Variants in LTBP2 observed in about 807,000 individuals in gnomAD.
The protein encoded by LTBP2 is latent-transforming growth factor beta-binding protein 2.
LTBP2 carries 103 observed loss-of-function variants against 210.6 expected under a neutral mutation model. The observed-to-expected ratio is 0.49, with a 90% CI of 0.42 to 0.58. The LOEUF (loss-of-function observed/expected upper bound fraction) is 0.58, where lower values mean the gene tolerates loss of function less well. Ranked by LOEUF, LTBP2 falls within the 20% of genes least tolerant of loss-of-function variation. The pLI is 0.00. For synonymous variants in LTBP2, 1,007 were observed against 1,015.0 expected (o/e 0.99, Z 0.15); for missense variants, 2,313 against 2,494.5 (o/e 0.93, Z 1.55).
At chr14:74,572,673 A>C (rs1262969937) in intron 3 of LTBP2, among the ~76,000 whole-genome samples, 1 of 152,176 alleles carries the variant, frequency 6.6e-6, no homozygotes, top group East Asian at 1.9e-4. Flanking sequence ...AGGAGAATTC[A>C]CGGAGCCTGA....
At chr14:74,574,101 C>A (rs1032130377) in intron 3 of LTBP2, among the ~76,000 whole-genome samples, 1 of 152,208 alleles carries the variant, frequency 6.6e-6, no homozygotes, top group African/African-American at 2.4e-5. Flanking sequence ...ACCACACATA[C>A]AATCGAAAAC....
At chr14:74,552,630 A>G (rs569116680) in intron 5 of LTBP2, among the ~76,000 whole-genome samples, 6 of 152,258 alleles carry the variant, frequency 3.9e-5, no homozygotes, top group Admixed American at 1.3e-4. Context: ...TGCACCCCAC[A>G]ATAACCTGGG....
At chr14:74,555,832 C>G (rs1294820331) in intron 3 of LTBP2, 139 bp from the exon 4 acceptor site, 1 of 562,296 alleles carries the variant, frequency 1.8e-6, no homozygotes, top group African/African-American at 1.9e-5. Context: ...ATGGCTGACT[C>G]CCAGACATGA....
chr14:74,606,425 T>C (rs1384558554), intron 1 of LTBP2, among the ~76,000 whole-genome samples: 1 of 152,252 alleles, frequency 6.6e-6, no homozygotes, highest in Non-Finnish European at 1.5e-5. Flanking sequence ...CCAGTTACCC[T>C]ATGGATTTCA....
intron 28 of LTBP2, 150 bp downstream of exon 28, chr14:74,505,898 T>G: frequency 1.8e-6 from 2 of 1,092,056 alleles, no homozygotes; most frequent in African/African-American, 3.1e-5. Context: ...CACCCCTCCA[T>G]GCACCAGGCC....
chr14:74,580,458 A>G (rs923672576), intron 3 of LTBP2, among the ~76,000 whole-genome samples: 1 of 152,150 alleles, frequency 6.6e-6, no homozygotes, highest in Non-Finnish European at 1.5e-5. Flanking sequence ...CCACGTGATG[A>G]CTGAGGCGGG....
intron 21 of LTBP2, 83 bp from the exon 22 acceptor site, chr14:74,509,446 C>T (rs1312440535): frequency 6.3e-7 from 1 of 1,591,720 alleles, no homozygotes; most frequent in Non-Finnish European, 8.6e-7. Context: ...TGGCTTCCCT[C>T]TCTGAGCCCC....
Position 74,510,330 on chromosome 14 carries a change from A to C in LTBP2, c.3029-117T>G, listed in dbSNP as rs190446922. ...GGGAACCAGCCTTCAGAGGGGCCGC[A>C]GGCCACCTGGGGAGGCCATGAGGCC... On this transcript the variant is annotated intron_variant, in intron 19 of 35. Coordinates refer to ENST00000261978, the MANE Select transcript of LTBP2 (RefSeq NM_000428.3). 216 of 1,481,176 alleles carry C rather than the reference A, an allele frequency of 1.5e-4. No homozygotes were observed. The African/African-American group carries it at 2.6e-3, about 18-fold the overall frequency. The allele number at this position is 1,481,176 out of a possible 1,614,324, so 91.8% of individuals were successfully genotyped here.
chr14:74,534,346 C>T (rs17100917), intron 9 of LTBP2, among the ~76,000 whole-genome samples: 3 of 152,166 alleles, frequency 2.0e-5, no homozygotes, highest in East Asian at 1.9e-4. Context: ...TGGCATCTCC[C>T]GTGTGTACAC....
chr14:74,562,935 T>C (rs1236051230), intron 3 of LTBP2, among the ~76,000 whole-genome samples: 1 of 152,198 alleles, frequency 6.6e-6, no homozygotes, highest in Non-Finnish European at 1.5e-5. Context: ...ATAAACCTTC[T>C]GTGGTAGGTG....
intron 8 of LTBP2, among the ~76,000 whole-genome samples, chr14:74,547,121 C>T (rs1430739726): frequency 1.3e-5 from 2 of 152,222 alleles, no homozygotes; most frequent in African/African-American, 4.8e-5. Flanking sequence ...TCCCACTGTC[C>T]CCTCCAATCC....
chr14:74,505,208 A>G (rs748674655), intron 28 of LTBP2, 34 bp from the exon 29 acceptor site: 4 of 1,606,658 alleles, frequency 2.5e-6, no homozygotes, highest in African/African-American at 2.7e-5. Flanking sequence ...CTGTCTGTTC[A>G]TGACCCTCTA....
intron 3 of LTBP2, among the ~76,000 whole-genome samples, chr14:74,564,345 T>A (rs370304477): frequency 0.075 from 407 of 5,434 alleles, 76 homozygotes; most frequent in South Asian, 0.098. Flanking sequence ...ATATATATAT[T>A]TATATATATT....
In LTBP2 at chr14:74,507,978, C is replaced by T. The variant is rs1470845337; in HGVS notation, c.3770G>A (p.Cys1257Tyr). Residue 1257 changes from cysteine (C) to tyrosine (Y), a missense_variant, in exon 25 of 36, where the codon TGT becomes TAT. Around this residue, in one of 3 missense-constraint regions of LTBP2, gnomAD observed 1,867 missense variants for 1,976.9 expected, o/e 0.94. Coordinates refer to ENST00000261978, the MANE Select transcript of LTBP2 (RefSeq NM_000428.3). ...CCTCCCCCCAGAGCCCTTACCCACA[C>T]ACTCTCCACTCTCTGGGGAGGGCTG... Reference protein sequence around the residue: ...GFQPSPESGECVDIDECEDYG... With the variant: ...GFQPSPESGEYVDIDECEDYG... The T allele has an allele frequency of 1.9e-6, 3 of 1,613,224 alleles. No individual in the cohort carries two copies. The highest frequency in any genetic ancestry group is 2.2e-5 in the East Asian group (1 of 44,886).
chr14:74,580,013 AAG>A (rs2088116211), intron 3 of LTBP2, among the ~76,000 whole-genome samples: 1 of 152,238 alleles, frequency 6.6e-6, no homozygotes, highest in South Asian at 2.1e-4. Context: ...CTGCCAAGAA[AAG>A]AGAGAAAAAC....
intron 10 of LTBP2, 31 bp from the exon 11 acceptor site, chr14:74,529,153 A>G: frequency 6.4e-7 from 1 of 1,550,958 alleles, no homozygotes. Context: ...GGAGGTGGGC[A>G]GGTGGCCAGT....
chr14:74,596,278 A>C (rs979277772), intron 2 of LTBP2, among the ~76,000 whole-genome samples: 3 of 151,466 alleles, frequency 2.0e-5, no homozygotes, highest in African/African-American at 7.3e-5. Context: ...TTAAAAACAA[A>C]GAAGTGGAGC....
In LTBP2 at chr14:74,499,851, C is replaced by T. The variant is rs572909673; in HGVS notation, c.*1033G>A. The T allele has an allele frequency of 1.1e-4, 25 of 230,712 alleles. No individual in the cohort carries two copies. The highest frequency in any genetic ancestry group is 2.1e-4 in the Non-Finnish European group (24 of 116,554). The allele number at this position is 230,712 out of a possible 1,614,324, so 14.3% of individuals were successfully genotyped here. A position where few individuals can be genotyped will look rare whatever the true frequency, so the allele number is the denominator to read the frequency against. On this transcript the variant is annotated 3_prime_UTR_variant, in exon 36 of 36. Coordinates refer to ENST00000261978, the MANE Select transcript of LTBP2 (RefSeq NM_000428.3). ...GCTTGTAAACTCAGAGGAATGCCTGCCATCGTTTTCTGAAGGGAAAGGGCA... is the reference window on the plus strand; with the variant it reads ...GCTTGTAAACTCAGAGGAATGCCTGTCATCGTTTTCTGAAGGGAAAGGGCA...
chr14:74,595,911 A>G (rs900848285), intron 2 of LTBP2, among the ~76,000 whole-genome samples: 1 of 152,188 alleles, frequency 6.6e-6, no homozygotes, highest in Non-Finnish European at 1.5e-5. Context: ...AAAGAAGTGG[A>G]GCAGGATGGG....
Sources: allele counts gnomAD v4.1 joint callset (sites outside exome capture counted in the v4.1 genomes callset), GRCh38; gene constraint gnomAD v4.1.1; regional missense constraint gnomAD v4.1.1; transcripts MANE v1.5; gene names NCBI Gene and HGNC (gene_info 2026-07-23, HGNC 2026-07-21).